TM9SF3: variants seen among roughly 807,000 people sequenced by gnomAD.
TM9SF3 encodes the protein SM-11044-binding protein.
In TM9SF3, 14 loss-of-function variants were observed where a neutral mutation model predicts 78.6. The observed-to-expected ratio is 0.18, with a 90% CI of 0.12 to 0.28. The LOEUF (loss-of-function observed/expected upper bound fraction) is 0.28, where lower values mean the gene tolerates loss of function less well. Ranked by LOEUF, TM9SF3 falls within the 10% of genes least tolerant of loss-of-function variation. The pLI is 1.00. For synonymous variants in TM9SF3, 231 were observed against 241.7 expected, an observed-to-expected ratio of 0.96 and a Z score of 0.41; for missense variants, 496 against 721.9, an observed-to-expected ratio of 0.69 and a Z score of 3.59.
intron 9 of TM9SF3, among the ~76,000 whole-genome samples, chr10:96,543,222 C>T (rs903684468): frequency 1.2e-4 from 18 of 152,008 alleles, no homozygotes; most frequent in Admixed American, 9.2e-4. Context: ...TTTATGTGTT[C>T]TAGTTTTAAT....
At chr10:96,557,242 G>A (rs191462665) in intron 5 of TM9SF3, among the ~76,000 whole-genome samples, 1 of 152,110 alleles carries the variant, frequency 6.6e-6, no homozygotes, top group East Asian at 1.9e-4. Context: ...TTTGGATATC[G>A]TACAGACACA....
intron 1 of TM9SF3, among the ~76,000 whole-genome samples, chr10:96,578,112 G>A (rs996850971): frequency 6.6e-6 from 1 of 152,048 alleles, no homozygotes; most frequent in Non-Finnish European, 1.5e-5. Context: ...AAAAACATCT[G>A]CCTTTTTCTT....
chr10:96,539,563 T>C (rs1204834168), intron 9 of TM9SF3, among the ~76,000 whole-genome samples: 2 of 152,136 alleles, frequency 1.3e-5, no homozygotes, highest in Admixed American at 6.6e-5. Context: ...TATAAAGGTA[T>C]ACAACAAAAC....
Position 96,543,317 on chromosome 10 carries a change from T to C in TM9SF3, c.1185+759A>G, listed in dbSNP as rs1015792784. On this transcript the variant is annotated intron_variant, in intron 9 of 14. Coordinates refer to ENST00000371142, the MANE Select transcript of TM9SF3 (RefSeq NM_020123.4). The stretch of plus-strand genomic sequence containing the variant: ...ATTTTAACATCTATAGCAACGTATA[T>C]TATTTACAAAAATGCTTAGTGAGAT... Among the ~76,000 whole-genome samples the C allele has an allele frequency of 6.7e-5, 10 of 149,544 alleles. No homozygotes were observed. In the South Asian group the frequency reaches 1.7e-3, roughly 25 times the overall value.
In TM9SF3 at chr10:96,576,624, GT is replaced by G; in HGVS notation, c.298+9del. The G allele has an allele frequency of 1.9e-6, 3 of 1,573,422 alleles. No individual in the cohort carries two copies. The highest frequency in any genetic ancestry group is 2.6e-6 in the Non-Finnish European group (3 of 1,164,992). ...AAATTGCATTGTAAGGACTATTAAG[GT>G]TTACTTACCTTTAAATTTAATATCC... On this transcript the variant is annotated intron_variant, in intron 2 of 14. Transcript: ENST00000371142.
intron 7 of TM9SF3, among the ~76,000 whole-genome samples, chr10:96,550,442 T>A (rs1043775686): frequency 2.0e-5 from 3 of 152,052 alleles, no homozygotes; most frequent in Non-Finnish European, 1.5e-5. Flanking sequence ...AAAGAGTGCA[T>A]TATGAACTAA....
chr10:96,574,416 A>T (rs1848473487), intron 2 of TM9SF3, among the ~76,000 whole-genome samples: 1 of 152,230 alleles, frequency 6.6e-6, no homozygotes, highest in African/African-American at 2.4e-5. Context: ...TTAAAAAATC[A>T]GGAAACAACA....
At chr10:96,558,699 C>A (rs1848267015) in intron 5 of TM9SF3, among the ~76,000 whole-genome samples, 2 of 151,418 alleles carry the variant, frequency 1.3e-5, no homozygotes, top group Non-Finnish European at 2.9e-5. Context: ...AAATCTCTGA[C>A]CCCTGAGTAA....
intron 3 of TM9SF3, among the ~76,000 whole-genome samples, chr10:96,563,621 G>A (rs879336208): frequency 9.9e-5 from 15 of 151,738 alleles, no homozygotes; most frequent in Non-Finnish European, 1.8e-4. Context: ...CAAGTGATCC[G>A]CCCACCTTGG....
intron 4 of TM9SF3, chr10:96,560,268 T>C (rs1215745033): frequency 1.2e-5 from 9 of 782,552 alleles, no homozygotes; most frequent in Admixed American, 3.4e-5. Flanking sequence ...CCAACAAAGA[T>C]GATCACTTTA....
chr10:96,578,239 T>C (rs193277051), intron 1 of TM9SF3, among the ~76,000 whole-genome samples: 2 of 152,326 alleles, frequency 1.3e-5, no homozygotes, highest in East Asian at 3.9e-4. Context: ...ACAAATGATC[T>C]CACCTTTTGA....
chr10:96,559,754 A>G lies in TM9SF3; in HGVS notation c.583-18T>C. On this transcript the variant is annotated intron_variant, in intron 4 of 14. Transcript: ENST00000371142. Reference sequence around the variant, plus strand: ...CATTTTACCTAAAAAAAATTTTTTCATTTGAAAATAAAGGCCAGTAAACAA... The same window carrying G: ...CATTTTACCTAAAAAAAATTTTTTCGTTTGAAAATAAAGGCCAGTAAACAA... 3.3e-6 allele frequency: 5 copies of G among 1,499,390 alleles called. No individual in the cohort carries two copies. The Middle Eastern group carries it at 5.7e-4, about 170-fold the overall frequency. The allele number at this position is 1,499,390 out of a possible 1,614,324, so 92.9% of individuals were successfully genotyped here.
chr10:96,530,215 A>T (rs1847880727), intron 11 of TM9SF3, among the ~76,000 whole-genome samples: 2 of 152,222 alleles, frequency 1.3e-5, no homozygotes, highest in South Asian at 4.1e-4. Flanking sequence ...AAATATTTTT[A>T]AAATACAATA....
rs1357403881 is a variant in TM9SF3 at position 96,518,313 on chromosome 10, C to T, written c.*3950G>A. On this transcript the variant is annotated 3_prime_UTR_variant, in exon 15 of 15. Coordinates refer to ENST00000371142, the MANE Select transcript of TM9SF3 (RefSeq NM_020123.4). Reference sequence around the variant, plus strand: ...TAATTGTTTCCTTGGAACTCTGCACCGACTGTCCATGCTCTGTGGGGACTT... The same window carrying T: ...TAATTGTTTCCTTGGAACTCTGCACTGACTGTCCATGCTCTGTGGGGACTT... The T allele has an allele frequency of 6.6e-6, 1 of 152,088 alleles. No homozygotes were observed. Among genetic ancestry groups the T allele is most frequent in the Non-Finnish European group, 1.5e-5 (1 of 68,000 alleles). The allele number at this position is 152,088 out of a possible 1,614,324, so 9.4% of individuals were successfully genotyped here.
At chr10:96,581,245 GAATT>G (rs1244340134) in intron 1 of TM9SF3, among the ~76,000 whole-genome samples, 39 of 152,284 alleles carry the variant, frequency 2.6e-4, no homozygotes, top group Non-Finnish European at 1.9e-4. Context: ...CAGAGGTAAT[GAATT>G]AATTATTATC....
chr10:96,547,465 AAAGC>A (rs1564932422), intron 8 of TM9SF3, among the ~76,000 whole-genome samples: 1 of 152,214 alleles, frequency 6.6e-6, no homozygotes, highest in Non-Finnish European at 1.5e-5. Context: ...GAATTCCACA[AAAGC>A]AAGACAGAAC....
chr10:96,518,929 T>C lies in TM9SF3; in HGVS notation c.*3334A>G, dbSNP rs1389044816. 6.6e-6 allele frequency: 1 copy of C among 152,054 alleles called. No individual in the cohort carries two copies. Among genetic ancestry groups the C allele is most frequent in the Non-Finnish European group, 1.5e-5 (1 of 67,922 alleles). 9.4% of individuals were successfully genotyped at this position (152,054 alleles called of 1,614,324 possible). A position where few individuals can be genotyped will look rare whatever the true frequency, so the allele number is the denominator to read the frequency against. ...GTTTTAATACATCACTACTCCTATT[T>C]ATTACATGTTCCAATAAACCAATAG... On this transcript the variant is annotated 3_prime_UTR_variant, in exon 15 of 15. Transcript: ENST00000371142.
At chr10:96,523,622 A>G (rs1390109684) in intron 14 of TM9SF3, among the ~76,000 whole-genome samples, 2 of 151,950 alleles carry the variant, frequency 1.3e-5, no homozygotes, top group African/African-American at 4.8e-5. Context: ...AAGCTTACAA[A>G]CCACCTGTTA....
intron 4 of TM9SF3, among the ~76,000 whole-genome samples, 195 bp downstream of exon 4, chr10:96,561,783 A>ATTAG (rs892196289): frequency 1.3e-5 from 2 of 152,232 alleles, no homozygotes; most frequent in Non-Finnish European, 2.9e-5. Context: ...CTGGTATCTA[A>ATTAG]TACTACAGAC....
Sources: allele counts gnomAD v4.1 joint callset (sites outside exome capture counted in the v4.1 genomes callset), GRCh38; gene constraint gnomAD v4.1.1; transcripts MANE v1.5; gene names NCBI Gene and HGNC (gene_info 2026-07-23, HGNC 2026-07-21).